The following PRKDC variants were observed in gnomAD, a reference collection of about 807,000 sequenced individuals.
PRKDC encodes the protein DNA-dependent protein kinase catalytic subunit.
In PRKDC, 82 loss-of-function variants were observed where a neutral mutation model predicts 486.9. The observed-to-expected ratio is 0.17, with a 90% confidence interval of 0.14 to 0.20. The LOEUF (loss-of-function observed/expected upper bound fraction) is 0.20. Among genes scored for constraint, PRKDC ranks in the 10% least tolerant of loss-of-function variants. PRKDC has a pLI of 1.00. For synonymous variants in PRKDC, 1,895 were observed against 1,837.0 expected, an observed-to-expected ratio of 1.03 and a Z score of -0.81; for missense variants, 4,504 against 5,038.2, an observed-to-expected ratio of 0.89 and a Z score of 3.21.
chr8:47,887,713 G>A lies in PRKDC; in HGVS notation c.4414-8C>T. ...ATGATGCAAATCTGTGGACTAAAAGGAAGCCAACACTGAAATGCCTAGCAA... is the reference window on the plus strand; with the variant it reads ...ATGATGCAAATCTGTGGACTAAAAGAAAGCCAACACTGAAATGCCTAGCAA... On this transcript the variant is annotated splice_region_variant and splice_polypyrimidine_tract_variant and intron_variant, in intron 34 of 85. Transcript: ENST00000314191. The A allele has an allele frequency of 6.3e-7, 1 of 1,599,028 alleles. No individual in the cohort carries two copies. The highest frequency in any genetic ancestry group is 8.5e-7 in the Non-Finnish European group (1 of 1,173,656).
At chr8:47,959,363 G>A (rs1390800691) in intron 1 of PRKDC, 1 of 152,142 alleles carries the variant, frequency 6.6e-6, no homozygotes, top group African/African-American at 2.4e-5. Context: ...GGTGGGATTA[G>A]GCGAGATTCA....
intron 84 of PRKDC, among the ~76,000 whole-genome samples, 159 bp from the exon 85 acceptor site, chr8:47,777,142 G>A (rs967556932): frequency 3.3e-5 from 5 of 151,934 alleles, no homozygotes; most frequent in African/African-American, 1.2e-4. Flanking sequence ...CAGACTCCAT[G>A]GCACACACAT....
At chr8:47,953,756 G>GA (rs747651310) in intron 6 of PRKDC, 37 bp from the exon 7 acceptor site, 12 of 1,586,268 alleles carry the variant, frequency 7.6e-6, no homozygotes, top group South Asian at 1.1e-5. Flanking sequence ...CATTACAAGA[G>GA]AAAAACACAA....
Position 47,787,077 on chromosome 8 carries a change from T to C in PRKDC, c.10903-1760A>G, listed in dbSNP as rs1185028793. Among the ~76,000 whole-genome samples the C allele has an allele frequency of 3.3e-5, 5 of 152,186 alleles. No homozygotes were observed. The East Asian group carries it at 5.8e-4, about 18-fold the overall frequency. ...ATTATAAGTACTCTACCTTAGAATA[T>C]AGTAATTATCTCTTTGCATTAGCTT... On this transcript the variant is annotated intron_variant, in intron 76 of 85. Transcript: ENST00000314191.
At chr8:47,894,459 G>A (rs1415923153) in intron 30 of PRKDC, among the ~76,000 whole-genome samples, 1 of 152,136 alleles carries the variant, frequency 6.6e-6, no homozygotes, top group Non-Finnish European at 1.5e-5. Context: ...ACACAAAAAG[G>A]CAGATCGAGA....
chr8:47,933,814 T>C (rs1409799346), intron 15 of PRKDC, 151 bp downstream of exon 15: 2 of 783,460 alleles, frequency 2.6e-6, no homozygotes, highest in Non-Finnish European at 3.6e-6. Flanking sequence ...ACTTCCTGAT[T>C]CATACGGTTT....
rs200641682 is a variant in PRKDC at position 47,920,296 on chromosome 8, G to A, written c.2420-1913C>T. 7.9e-5 allele frequency among the ~76,000 whole-genome samples: 12 copies of A among 152,230 alleles called. No homozygotes were observed. In the East Asian group the frequency reaches 1.9e-3, roughly 24 times the overall value. ...GGGACTCCATGACCGAGCTGGTGTC[G>A]GCTATGTCTGTATCTCCTGGTTTTT... is the stretch of plus-strand genomic sequence containing the variant. On this transcript the variant is annotated intron_variant, in intron 21 of 85. Transcript: ENST00000314191.
At chr8:47,939,105 G>T (rs939366624) in intron 11 of PRKDC, among the ~76,000 whole-genome samples, 1 of 152,154 alleles carries the variant, frequency 6.6e-6, no homozygotes, top group Non-Finnish European at 1.5e-5. Context: ...CTGCAAAACA[G>T]AGTAATACTG....
chr8:47,870,596 G>C (rs2088929264), intron 40 of PRKDC, among the ~76,000 whole-genome samples: 1 of 152,176 alleles, frequency 6.6e-6, no homozygotes, highest in Non-Finnish European at 1.5e-5. Flanking sequence ...TACCTGGAAA[G>C]TCTTCCCAAG....
intron 26 of PRKDC, among the ~76,000 whole-genome samples, chr8:47,903,528 T>C (rs531537768): frequency 2.0e-5 from 3 of 152,292 alleles, no homozygotes; most frequent in South Asian, 4.1e-4. Context: ...GCCATGGTAA[T>C]GGGAGGAGAG....
chr8:47,905,663 A>G (rs2089767474), intron 25 of PRKDC, among the ~76,000 whole-genome samples: 1 of 152,206 alleles, frequency 6.6e-6, no homozygotes, highest in Non-Finnish European at 1.5e-5. Context: ...GGAACATAGA[A>G]AAACAGATTT....
intron 61 of PRKDC, 109 bp downstream of exon 61, chr8:47,830,496 C>G: frequency 7.0e-7 from 1 of 1,438,108 alleles, no homozygotes; most frequent in East Asian, 2.3e-5. Context: ...AAACCAACAC[C>G]TCATCTATGT....
Position 47,857,197 on chromosome 8 carries a change from C to T in PRKDC, c.6568G>A (p.Val2190Met). Residue 2190 changes from valine (V) to methionine (M), a missense_variant, in exon 49 of 86, where the codon GTG becomes ATG. Physicochemically the swap from Val to Met is conservative, Grantham distance 21. This residue lies in a region of PRKDC where 1,592 missense variants were observed against 1,724.6 expected (regional missense o/e 0.92). Coordinates refer to ENST00000314191, the MANE Select transcript of PRKDC (RefSeq NM_006904.7). ...EGIHYMVVEIVATILSWTGLA... is the reference protein window; with the variant it reads ...EGIHYMVVEIMATILSWTGLA... ...CCTGTCCATGAAAGAATAGTGGCCA[C>T]TATCTCAACCACCATGTAGTGAATT... 1 of 1,613,972 alleles carries T rather than the reference C, an allele frequency of 6.2e-7. No individual in the cohort carries two copies.
chr8:47,937,806 T>A (rs1224622439), intron 11 of PRKDC, among the ~76,000 whole-genome samples: 1 of 152,042 alleles, frequency 6.6e-6, no homozygotes, highest in African/African-American at 2.4e-5. Flanking sequence ...CAGAGACAAA[T>A]GGAGATGAAG....
intron 52 of PRKDC, among the ~76,000 whole-genome samples, chr8:47,849,931 A>C (rs988870545): frequency 1.3e-5 from 2 of 152,180 alleles, no homozygotes; most frequent in African/African-American, 4.8e-5. Flanking sequence ...ATTCACATGG[A>C]CTAGAATTTT....
At position 47,785,138 on chromosome 8, in the gene PRKDC, G is replaced by C. The variant is rs762084056; in HGVS notation, c.11082C>G (p.Phe3694Leu). 7 of 1,613,866 alleles carry C rather than the reference G, an allele frequency of 4.3e-6. No individual in the cohort carries two copies. In the East Asian group the frequency reaches 1.3e-4, roughly 31 times the overall value. The change falls in exon 77 of 86, where the codon TTC (phenylalanine) becomes TTG (leucine). Residue 3694 changes from phenylalanine to leucine, a missense_variant. By Grantham distance (22) the Phe-to-Leu change is conservative. This residue lies in a region of PRKDC where 706 missense variants were observed against 945.0 expected (regional missense o/e 0.75). Transcript: ENST00000314191. ...CGGGAATCTCCAGCTCATTTCTCAG[G>C]AACTCCACTTTGAAGTCGCTCATCC... ...SPWMSDFKVE[F>L]LRNELEIPGQ... is the part of the protein sequence containing the mutation.
chr8:47,856,795 G>C (rs1180490522), intron 49 of PRKDC, among the ~76,000 whole-genome samples: 1 of 152,130 alleles, frequency 6.6e-6, no homozygotes, highest in Non-Finnish European at 1.5e-5. Context: ...CAAAATCCAG[G>C]GACTTCAAGG....
At chr8:47,857,027 C>T in intron 49 of PRKDC, 129 bp downstream of exon 49, 1 of 1,059,798 alleles carries the variant, frequency 9.4e-7, no homozygotes. Flanking sequence ...AGGAGCACAC[C>T]AGCAATGTAG....
At chr8:47,789,524 G>T (rs1343359537) in intron 74 of PRKDC, among the ~76,000 whole-genome samples, 1 of 151,948 alleles carries the variant, frequency 6.6e-6, no homozygotes, top group Non-Finnish European at 1.5e-5. Context: ...CAAAACACAA[G>T]GGAGGAGGGA....
Sources: gnomAD v4.1 joint callset for allele counts (sites outside exome capture counted in the v4.1 genomes callset) on GRCh38, gnomAD v4.1.1 for gene constraint, gnomAD v4.1.1 regional missense constraint, MANE v1.5 for transcripts, NCBI Gene and HGNC (gene_info 2026-07-23, HGNC 2026-07-21) for gene names.